FAM3B: variants seen among roughly 807,000 people sequenced by gnomAD.
FAM3B encodes the protein FAM3 metabolism regulating signaling molecule B, also known as protein FAM3B.
A neutral mutation model predicts 28.4 loss-of-function variants in FAM3B; 29 were observed. That is an observed-to-expected ratio of 1.02 (90% CI 0.76 to 1.39). The LOEUF is 1.39. Ranked by LOEUF, FAM3B falls within the 40% of genes most tolerant of loss-of-function variation. The probability of loss-of-function intolerance (pLI) is 0.00; values close to 1 mark genes in which losing one functional copy is unlikely to be tolerated. For synonymous variants in FAM3B, 91 were observed against 103.0 expected (o/e 0.88, Z 0.71); for missense variants, 266 against 293.9 (o/e 0.91, Z 0.69).
At chr21:41,350,176 G>A (rs926252100) in intron 7 of FAM3B, among the ~76,000 whole-genome samples, 2 of 152,142 alleles carry the variant, frequency 1.3e-5, no homozygotes, top group Admixed American at 6.5e-5. Context: ...ACCTCTCTGG[G>A]CTCCAGCTTT....
intron 4 of FAM3B, 148 bp from the exon 5 acceptor site, chr21:41,345,538 G>C: frequency 1.8e-6 from 1 of 543,222 alleles, no homozygotes; most frequent in Non-Finnish European, 3.3e-6. Flanking sequence ...CAAGGGGCCC[G>C]CCCTGTCTCT....
At chr21:41,330,134 G>GAAAAAAA (rs3037004) in intron 2 of FAM3B, among the ~76,000 whole-genome samples, 1 of 138,772 alleles carries the variant, frequency 7.2e-6, no homozygotes, top group Non-Finnish European at 1.5e-5. Flanking sequence ...GTCTGTATAG[G>GAAAAAAA]AAAAAAAAAA....
chr21:41,318,551 G>A (rs929466342), intron 1 of FAM3B, among the ~76,000 whole-genome samples: 22 of 152,218 alleles, frequency 1.4e-4, no homozygotes, highest in African/African-American at 5.1e-4. Context: ...TGATGACAGT[G>A]GACACTGAGG....
chr21:41,337,519 T>G (rs1336217805), intron 2 of FAM3B, among the ~76,000 whole-genome samples: 1 of 152,216 alleles, frequency 6.6e-6, no homozygotes, highest in South Asian at 2.1e-4. Flanking sequence ...CTCCAGGATC[T>G]GACATCATAG....
At chr21:41,347,305 G>T (rs1202433035) in intron 6 of FAM3B, among the ~76,000 whole-genome samples, 1 of 152,122 alleles carries the variant, frequency 6.6e-6, no homozygotes, top group African/African-American at 2.4e-5. Context: ...AGAAGTACTA[G>T]AACCTAAATC....
At chr21:41,340,828 C>T (rs549123474) in intron 3 of FAM3B, among the ~76,000 whole-genome samples, 15 of 152,020 alleles carry the variant, frequency 9.9e-5, no homozygotes, top group Non-Finnish European at 1.9e-4. Flanking sequence ...ACCTTTTCTC[C>T]CCACCTCTTG....
In FAM3B at chr21:41,346,938, G is replaced by A. The variant is rs778938370; in HGVS notation, c.398-75G>A. On this transcript the variant is annotated intron_variant, in intron 5 of 7. Coordinates refer to ENST00000357985, the MANE Select transcript of FAM3B (RefSeq NM_058186.4). Reference sequence around the variant, plus strand: ...AGAATGGACACAGAATGCAGGTGCAGGAGGAAGCCCAGCACCCAAGGCAGA... The same window carrying A: ...AGAATGGACACAGAATGCAGGTGCAAGAGGAAGCCCAGCACCCAAGGCAGA... 2.6e-5 allele frequency: 34 copies of A among 1,320,000 alleles called. No homozygotes were observed. The East Asian group carries it at 7.6e-4, about 29-fold the overall frequency. The allele number at this position is 1,320,000 out of a possible 1,614,324, so 81.8% of individuals were successfully genotyped here.
chr21:41,353,339 C>T (rs376813304), intron 7 of FAM3B, among the ~76,000 whole-genome samples: 5 of 152,136 alleles, frequency 3.3e-5, no homozygotes, highest in African/African-American at 4.8e-5. Context: ...TCAAGAGACT[C>T]AAATAACAAA....
In FAM3B at chr21:41,306,214, A is replaced by G. The variant is rs542829838; in HGVS notation, n.99+1904A>G. Reference sequence around the variant, plus strand: ...TGCTAGTTCTCTTATTATTTCCATCATATTTGCTGTAACTGAAGTTACACT... The same window carrying G: ...TGCTAGTTCTCTTATTATTTCCATCGTATTTGCTGTAACTGAAGTTACACT... On this transcript the variant is annotated intron_variant and non_coding_transcript_variant, in intron 1 of 9. Transcript: ENST00000479810. Among the ~76,000 whole-genome samples, 20 of 152,280 alleles carry G rather than the reference A, an allele frequency of 1.3e-4. No individual in the cohort carries two copies. In the South Asian group the frequency reaches 4.1e-3, roughly 32 times the overall value.
In FAM3B at chr21:41,305,229, A is replaced by G. The variant is rs928301; in HGVS notation, n.99+919A>G. ...AGCACTTTACAGGGAGATAGAAAAG[A>G]AAGTGGGGTTGGTGCGGGTTCCATG... is the stretch of plus-strand genomic sequence containing the variant. On this transcript the variant is annotated intron_variant and non_coding_transcript_variant, in intron 1 of 9. Coordinates refer to the FAM3B transcript ENST00000479810. Among the ~76,000 whole-genome samples, 926 of 152,218 alleles carry G rather than the reference A, an allele frequency of 6.1e-3. 2 individuals carry two copies. Among genetic ancestry groups the G allele is most frequent in the African/African-American group, 0.018 (730 of 41,530 alleles).
intron 1 of FAM3B, chr21:41,304,398 G>A (rs928112500): frequency 4.7e-6 from 2 of 429,650 alleles, no homozygotes; most frequent in Admixed American, 2.6e-5. Flanking sequence ...AGCAGCCCGA[G>A]GGAGTCGCCC....
rs1162317610 is a variant in FAM3B, at chr21:41,347,059, A to T, written c.444A>T (p.Lys148Asn). The T allele has an allele frequency of 6.2e-7, 1 of 1,614,054 alleles. No individual in the cohort carries two copies. Among genetic ancestry groups the T allele is most frequent in the South Asian group, 1.1e-5 (1 of 91,072 alleles). ...AGTTTATTCAGAGTGCTGCTCCAAAATCCCTGCTCTTCATGGTGACCTATG... is the reference window on the plus strand; with the variant it reads ...AGTTTATTCAGAGTGCTGCTCCAAATTCCCTGCTCTTCATGGTGACCTATG... ...MTKFIQSAAP[K>N]SLLFMVTYDD... The change falls in exon 6 of 8, where the codon AAA becomes AAT. Residue 148 changes from lysine to asparagine, a missense_variant. Physicochemically the swap from Lys to Asn is moderately conservative, Grantham distance 94. Coordinates refer to ENST00000357985, the MANE Select transcript of FAM3B (RefSeq NM_058186.4).
chr21:41,332,519 G>A (rs2088915251), intron 2 of FAM3B, among the ~76,000 whole-genome samples: 1 of 152,114 alleles, frequency 6.6e-6, no homozygotes, highest in African/African-American at 2.4e-5. Context: ...TTTGGTATCA[G>A]GGTAATGCTG....
intron 5 of FAM3B, 115 bp from the exon 6 acceptor site, chr21:41,346,898 G>A: frequency 1.1e-6 from 1 of 901,372 alleles, no homozygotes; most frequent in Admixed American, 1.8e-5. Flanking sequence ...CGAGCGCTGG[G>A]ACCCCCAAGG....
chr21:41,336,684 CACT>C (rs1367970426), intron 2 of FAM3B, among the ~76,000 whole-genome samples: 1 of 152,168 alleles, frequency 6.6e-6, no homozygotes, highest in Non-Finnish European at 1.5e-5. Flanking sequence ...TATTGACATT[CACT>C]ACTATTATTG....
chr21:41,305,263 T>C (rs1452443424), intron 1 of FAM3B, among the ~76,000 whole-genome samples: 1 of 152,088 alleles, frequency 6.6e-6, no homozygotes, highest in Non-Finnish European at 1.5e-5. Flanking sequence ...TGCAGAGGTA[T>C]AGGCGATATG....
chr21:41,325,620 T>C (rs2088848759), intron 2 of FAM3B, among the ~76,000 whole-genome samples: 1 of 152,348 alleles, frequency 6.6e-6, no homozygotes, highest in Admixed American at 6.5e-5. Context: ...TTTAATTTGT[T>C]TTAAAACTTG....
intron 1 of FAM3B, chr21:41,319,464 G>A (rs1261336275): frequency 6.6e-6 from 1 of 152,230 alleles, no homozygotes; most frequent in Non-Finnish European, 1.5e-5. Flanking sequence ...ACAGGGAAAG[G>A]CAGGATCCTG....
intron 4 of FAM3B, among the ~76,000 whole-genome samples, chr21:41,345,081 G>C (rs544367963): frequency 6.6e-6 from 1 of 152,244 alleles, no homozygotes; most frequent in Non-Finnish European, 1.5e-5. Flanking sequence ...GAGACGTGAG[G>C]GCTGTGGAAG....
Sources: allele counts gnomAD v4.1 joint callset (sites outside exome capture counted in the v4.1 genomes callset), GRCh38; gene constraint gnomAD v4.1.1; transcripts MANE v1.5; gene names NCBI Gene and HGNC (gene_info 2026-07-23, HGNC 2026-07-21).